Variants in OPCML observed in about 807,000 individuals in gnomAD.
The protein encoded by OPCML is opioid-binding protein/cell adhesion molecule.
OPCML carries 13 observed loss-of-function variants against 37.8 expected under a neutral mutation model. The ratio of observed to expected loss-of-function variants is 0.34; its 90% CI spans 0.22 to 0.55. OPCML has a LOEUF of 0.55. OPCML is among the 20% of genes least tolerant of loss of function. OPCML has a pLI of 0.91. For missense variants in OPCML, 341 were observed against 435.6 expected (o/e 0.78, Z 1.93); for synonymous variants, 176 against 168.8 (o/e 1.04, Z -0.33).
chr11:133,076,646 G>A (rs1005792698), intron 1 of OPCML, among the ~76,000 whole-genome samples: 1 of 152,066 alleles, frequency 6.6e-6, no homozygotes, highest in Non-Finnish European at 1.5e-5. Context: ...AGTCTCAAAT[G>A]AGACACCCCA....
rs147312032 is a variant in OPCML, at chr11:132,525,312, G to A, written c.505+3749C>T. Among the ~76,000 whole-genome samples, 15 of 152,262 alleles carry A rather than the reference G, an allele frequency of 9.9e-5. No homozygotes were observed. In the East Asian group the frequency reaches 2.7e-3, roughly 27 times the overall value. On this transcript the variant is annotated intron_variant, in intron 4 of 7. Transcript: ENST00000524381. ...TATTGCCATCTTAAACTGTAAGTGT[G>A]ATTGTTACTATTTTTAATTTTTAAT... is the stretch of plus-strand genomic sequence containing the variant.
At chr11:133,251,010 G>A (rs1239141363) in intron 1 of OPCML, among the ~76,000 whole-genome samples, 1 of 152,110 alleles carries the variant, frequency 6.6e-6, no homozygotes, top group Non-Finnish European at 1.5e-5. Context: ...GGCATGCTGA[G>A]GGGAGAAGAC....
chr11:133,290,541 T>A lies in OPCML; in HGVS notation c.61+241723A>T, dbSNP rs115501033. 6.2e-3 allele frequency among the ~76,000 whole-genome samples: 942 copies of A among 152,302 alleles called. 6 individuals carry two copies. The highest frequency in any genetic ancestry group is 0.022 in the African/African-American group (904 of 41,552). The stretch of plus-strand genomic sequence containing the variant: ...GCAGCAGAAAAGAAGTCCAGGTCCC[T>A]GGGTGCATATAGGGCCACCCTCCAT... On this transcript the variant is annotated intron_variant, in intron 1 of 7. Transcript: ENST00000524381.
At chr11:132,915,714 C>G (rs574244033) in intron 2 of OPCML, among the ~76,000 whole-genome samples, 3 of 152,278 alleles carry the variant, frequency 2.0e-5, no homozygotes, top group South Asian at 4.1e-4. Flanking sequence ...TTGTATTTCC[C>G]TGATAACTCA....
At chr11:132,563,180 C>T (rs2096414396) in intron 3 of OPCML, among the ~76,000 whole-genome samples, 1 of 152,120 alleles carries the variant, frequency 6.6e-6, no homozygotes, top group African/African-American at 2.4e-5. Context: ...TGTTATTACC[C>T]TCATGCTAGA....
chr11:132,826,304 A>G (rs1248831112), intron 2 of OPCML, among the ~76,000 whole-genome samples: 1 of 152,194 alleles, frequency 6.6e-6, no homozygotes, highest in Non-Finnish European at 1.5e-5. Flanking sequence ...TTTGATGGCA[A>G]TTGTCATTAA....
chr11:132,539,227 G>A (rs559680071), intron 3 of OPCML, among the ~76,000 whole-genome samples: 1 of 152,292 alleles, frequency 6.6e-6, no homozygotes, highest in South Asian at 2.1e-4. Context: ...GTGGTGCAAA[G>A]CTCCATGATA....
chr11:132,519,372 G>A (rs933042019), intron 4 of OPCML, among the ~76,000 whole-genome samples: 2 of 152,068 alleles, frequency 1.3e-5, no homozygotes, highest in African/African-American at 4.8e-5. Flanking sequence ...AGTGACGCTT[G>A]CTGAAGGCAT....
chr11:133,405,052 A>C (rs1434024374), intron 1 of OPCML, among the ~76,000 whole-genome samples: 1 of 152,234 alleles, frequency 6.6e-6, no homozygotes, highest in African/African-American at 2.4e-5. Flanking sequence ...TATTCATTCA[A>C]AACAGGCTTT....
At chr11:133,434,823 T>TAC (rs1555158194) in intron 1 of OPCML, among the ~76,000 whole-genome samples, 1,449 of 140,592 alleles carry the variant, frequency 0.01, 15 homozygotes, top group Non-Finnish European at 0.015. Context: ...TATATATATA[T>TAC]ACACACACAT....
intron 1 of OPCML, among the ~76,000 whole-genome samples, chr11:133,057,945 C>T (rs753676288): frequency 3.3e-5 from 5 of 152,178 alleles, no homozygotes; most frequent in Admixed American, 6.5e-5. Flanking sequence ...TTCTTTAGAA[C>T]ACATCATAAT....
At chr11:132,495,905 A>AC (rs2096229813) in intron 4 of OPCML, among the ~76,000 whole-genome samples, 1 of 152,140 alleles carries the variant, frequency 6.6e-6, no homozygotes, top group African/African-American at 2.4e-5. Context: ...AAAAAAAAAA[A>AC]AAAAAAAGTT....
intron 2 of OPCML, among the ~76,000 whole-genome samples, chr11:132,831,340 C>G (rs1940672091): frequency 6.6e-6 from 1 of 152,116 alleles, no homozygotes; most frequent in Admixed American, 6.5e-5. Context: ...TTGGAAGAAA[C>G]CAGGTAAAAT....
chr11:132,595,580 A>G (rs780277663), intron 3 of OPCML, among the ~76,000 whole-genome samples: 1 of 152,198 alleles, frequency 6.6e-6, no homozygotes, highest in Non-Finnish European at 1.5e-5. Context: ...TGGAAAGGTA[A>G]AGGCATCTGG....
chr11:132,697,099 G>A (rs563804794), intron 2 of OPCML, among the ~76,000 whole-genome samples: 1 of 152,174 alleles, frequency 6.6e-6, no homozygotes, highest in Non-Finnish European at 1.5e-5. Flanking sequence ...AGCAAAATGT[G>A]GCAAAACTAT....
At chr11:133,373,660 A>G (rs34679023) in intron 1 of OPCML, among the ~76,000 whole-genome samples, 4 of 151,704 alleles carry the variant, frequency 2.6e-5, no homozygotes, top group Non-Finnish European at 5.9e-5. Flanking sequence ...AAAGAAAAAA[A>G]CAAAGAAAAT....
intron 1 of OPCML, among the ~76,000 whole-genome samples, chr11:133,354,964 G>C (rs1409938139): frequency 5.9e-5 from 9 of 152,166 alleles, no homozygotes; most frequent in Non-Finnish European, 1.3e-4. Context: ...AATCCCAACT[G>C]AGGTTAGAGA....
At chr11:133,524,737 G>A (rs2120725069) in intron 1 of OPCML, among the ~76,000 whole-genome samples, 1 of 152,324 alleles carries the variant, frequency 6.6e-6, no homozygotes, top group South Asian at 2.1e-4. Flanking sequence ...TTATTGACAA[G>A]CAAGAACACT....
rs571821283 is a variant in OPCML, at chr11:133,026,107, G to A, written c.62-83097C>T. On this transcript the variant is annotated intron_variant, in intron 1 of 7. Coordinates refer to ENST00000524381, the MANE Select transcript of OPCML (RefSeq NM_001012393.5). Reference sequence around the variant, plus strand: ...GAGAAGTTTGGGCATATGTGTTCAAGTTTTCTGTTGCACATAATAACTATT... The same window carrying A: ...GAGAAGTTTGGGCATATGTGTTCAAATTTTCTGTTGCACATAATAACTATT... 499 of 984,428 alleles carry A rather than the reference G, an allele frequency of 5.1e-4. 5 individuals carry two copies. In the South Asian group the frequency reaches 8.5e-3, roughly 17 times the overall value. 61.0% of individuals were successfully genotyped at this position (984,428 alleles called of 1,614,324 possible).
Sources: allele counts gnomAD v4.1 joint callset (sites outside exome capture counted in the v4.1 genomes callset), GRCh38; gene constraint gnomAD v4.1.1; transcripts MANE v1.5; gene names NCBI Gene and HGNC (gene_info 2026-07-23, HGNC 2026-07-21).